Variants in KANK1 observed in about 807,000 individuals in gnomAD.
KANK1 encodes the protein KN motif and ankyrin repeat domain-containing protein 1.
In KANK1, 109 loss-of-function variants were observed where a neutral mutation model predicts 106.2. That is an observed-to-expected ratio of 1.03 (90% CI 0.88 to 1.20). KANK1 has a LOEUF of 1.20. KANK1 is among the 50% of genes most tolerant of loss of function. The pLI, the probability that KANK1 is intolerant of heterozygous loss-of-function variation, is 0.00. For missense variants in KANK1, 2,399 were observed against 1,710.7 expected (o/e 1.40, Z -7.10); for synonymous variants, 873 against 652.2 (o/e 1.34, Z -5.16).
intron 1 of KANK1, among the ~76,000 whole-genome samples, chr9:564,211 C>T (rs1817240432): frequency 6.6e-6 from 1 of 152,020 alleles, no homozygotes. Flanking sequence ...AGACGCCCGC[C>T]ACCACGCCCG....
Position 635,249 on chromosome 9 carries a change from C to T in KANK1, c.-83-41641C>T, listed in dbSNP as rs574350049. On this transcript the variant is annotated intron_variant, in intron 1 of 11. Coordinates refer to ENST00000382297, the MANE Select transcript of KANK1 (RefSeq NM_015158.5). ...ACCACCAAACCTGCTCTCTGCCCCT[C>T]TAGATTTTAGGTACCCAGCCCCCCA... Among the ~76,000 whole-genome samples, 4 of 152,142 alleles carry T rather than the reference C, an allele frequency of 2.6e-5. No individual in the cohort carries two copies. In the East Asian group the frequency reaches 7.7e-4, roughly 29 times the overall value.
Position 713,111 on chromosome 9 carries a change from G to A in KANK1, c.2345G>A (p.Gly782Glu). ...VGLKMRTIAC[G>E]PPQLTVGLTA... Reference sequence around the variant, plus strand: ...CTCAAAATGAGGACTATAGCTTGTGGGCCACCACAGTTGACTGTGGGGCTG... The same window carrying A: ...CTCAAAATGAGGACTATAGCTTGTGAGCCACCACAGTTGACTGTGGGGCTG... The change falls in exon 3 of 12, where the codon GGG becomes GAG. Residue 782 changes from glycine to glutamate, a missense_variant. Physicochemically the swap from Gly to Glu is moderately conservative, Grantham distance 98 (BLOSUM62 -2). Transcript: ENST00000382297. The A allele has an allele frequency of 6.2e-7, 1 of 1,607,554 alleles. No individual in the cohort carries two copies.
At chr9:573,785 C>T (rs574407667) in intron 1 of KANK1, among the ~76,000 whole-genome samples, 29 of 147,724 alleles carry the variant, frequency 2.0e-4, no homozygotes, top group African/African-American at 7.0e-4. Flanking sequence ...ACAGGAATTA[C>T]TTCATTGTGC....
chr9:492,790 C>T (rs1306878828), intron 3 of KANK1, among the ~76,000 whole-genome samples: 2 of 151,822 alleles, frequency 1.3e-5, no homozygotes, highest in African/African-American at 2.4e-5. Context: ...TTTGGGAGGC[C>T]GAGGCGGGTG....
chr9:601,685 C>G (rs1029125459), intron 1 of KANK1, among the ~76,000 whole-genome samples: 1 of 151,776 alleles, frequency 6.6e-6, no homozygotes, highest in Admixed American at 6.6e-5. Context: ...TTATTTTCTT[C>G]TTCAAATTAT....
At chr9:492,997 C>T (rs886651482) in intron 3 of KANK1, among the ~76,000 whole-genome samples, 15 of 147,730 alleles carry the variant, frequency 1.0e-4, no homozygotes, top group African/African-American at 3.5e-4. Flanking sequence ...GCACTCCAGC[C>T]TGGGCGGTCA....
intron 1 of KANK1, among the ~76,000 whole-genome samples, chr9:640,479 C>G (rs537061665): frequency 6.6e-6 from 1 of 151,826 alleles, no homozygotes; most frequent in South Asian, 2.1e-4. Flanking sequence ...ATTACTGCAA[C>G]CTCCGCCTCC....
intron 8 of KANK1, among the ~76,000 whole-genome samples, chr9:739,238 G>C (rs183899219): frequency 6.6e-6 from 1 of 152,268 alleles, no homozygotes; most frequent in Non-Finnish European, 1.5e-5. Context: ...TAGACCCCAA[G>C]TCTTTTAATT....
At chr9:629,251 G>A (rs1487956164) in intron 1 of KANK1, among the ~76,000 whole-genome samples, 1 of 151,974 alleles carries the variant, frequency 6.6e-6, no homozygotes, top group Non-Finnish European at 1.5e-5. Flanking sequence ...TAGCACCAGG[G>A]GAGTAAGCCA....
chr9:509,034 G>A (rs1009757351), intron 1 of KANK1, among the ~76,000 whole-genome samples: 2 of 152,174 alleles, frequency 1.3e-5, no homozygotes, highest in African/African-American at 4.8e-5. Flanking sequence ...GAGTTCTGTT[G>A]TGTCCTTTTT....
Position 628,268 on chromosome 9 carries a change from G to A in KANK1, c.-83-48622G>A, listed in dbSNP as rs530096811. On this transcript the variant is annotated intron_variant, in intron 1 of 11. Transcript: ENST00000382297. ...TCTTGATTGACTCTGCCTGTCTCCA[G>A]TGTGCTTTCATTCCCTTCAGTGGGT... Among the ~76,000 whole-genome samples, 4 of 152,268 alleles carry A rather than the reference G, an allele frequency of 2.6e-5. No individual in the cohort carries two copies. In the South Asian group the frequency reaches 8.3e-4, roughly 32 times the overall value.
In KANK1 at chr9:646,860, A is replaced by ATT. The variant is rs34747459; in HGVS notation, c.-83-30022_-83-30021dup. 4.1e-4 allele frequency among the ~76,000 whole-genome samples: 61 copies of ATT among 148,720 alleles called. 4 individuals carry two copies. The highest frequency in any genetic ancestry group is 1.5e-3 in the African/African-American group (57 of 39,074). On this transcript the variant is annotated intron_variant, in intron 1 of 11. Coordinates refer to ENST00000382297, the MANE Select transcript of KANK1 (RefSeq NM_015158.5). ...AGGTGCATGCCACCACGCCTGGCTA[A>ATT]TTTTTTTTTGTATTTTTAGTAGAGA...
intron 1 of KANK1, among the ~76,000 whole-genome samples, chr9:652,283 G>T (rs141844591): frequency 6.6e-6 from 1 of 152,168 alleles, no homozygotes; most frequent in Non-Finnish European, 1.5e-5. Context: ...CACTTTGGGA[G>T]GCTAAGGCGG....
intron 1 of KANK1, among the ~76,000 whole-genome samples, chr9:651,362 A>C (rs2137570827): frequency 6.6e-6 from 1 of 152,304 alleles, no homozygotes; most frequent in African/African-American, 2.4e-5. Flanking sequence ...TTTTTATATA[A>C]TACAGAGTTG....
chr9:554,878 C>T (rs1244601341), intron 1 of KANK1, among the ~76,000 whole-genome samples: 1 of 152,154 alleles, frequency 6.6e-6, no homozygotes, highest in Non-Finnish European at 1.5e-5. Flanking sequence ...GCAAGGTTAT[C>T]TTGGGGTAAA....
chr9:539,027 T>A (rs1020373451), intron 1 of KANK1, among the ~76,000 whole-genome samples: 1 of 152,088 alleles, frequency 6.6e-6, no homozygotes, highest in African/African-American at 2.4e-5. Flanking sequence ...ATTACAGGCA[T>A]GAGCCACCAC....
chr9:732,671 G>A, intron 6 of KANK1, 54 bp downstream of exon 6: 2 of 1,587,074 alleles, frequency 1.3e-6, no homozygotes, highest in Non-Finnish European at 1.7e-6. Flanking sequence ...ATGTACTTTG[G>A]CAATAGAGTT....
At position 713,117 on chromosome 9, in the gene KANK1, C is replaced by A; in HGVS notation, c.2351C>A (p.Pro784Gln). 6.2e-7 allele frequency: 1 copy of A among 1,604,748 alleles called. No individual in the cohort carries two copies. Among genetic ancestry groups the A allele is most frequent in the Non-Finnish European group, 8.5e-7 (1 of 1,173,550 alleles). Reference sequence around the variant, plus strand: ...ATGAGGACTATAGCTTGTGGGCCACCACAGTTGACTGTGGGGCTGACAGCC... The same window carrying A: ...ATGAGGACTATAGCTTGTGGGCCACAACAGTTGACTGTGGGGCTGACAGCC... ...LKMRTIACGPPQLTVGLTASR... is the reference protein window; with the variant it reads ...LKMRTIACGPQQLTVGLTASR... Residue 784 changes from proline to glutamine, a missense_variant, in exon 3 of 12, where the codon CCA becomes CAA. By Grantham distance (76) the Pro-to-Gln change is moderately conservative. Transcript: ENST00000382297.
chr9:499,926 G>A (rs1207174962), upstream of KANK1, among the ~76,000 whole-genome samples: 1 of 152,168 alleles, frequency 6.6e-6, no homozygotes, highest in Non-Finnish European at 1.5e-5. Context: ...CTAGTTAATT[G>A]GTGAAGAAGT....
Sources: gnomAD v4.1 joint callset for allele counts (sites outside exome capture counted in the v4.1 genomes callset) on GRCh38, gnomAD v4.1.1 for gene constraint, MANE v1.5 for transcripts, NCBI Gene and HGNC (gene_info 2026-07-23, HGNC 2026-07-21) for gene names.